Variants in KDM4C observed in about 807,000 individuals in gnomAD.
The protein encoded by KDM4C is lysine demethylase 4C.
In KDM4C, 81 loss-of-function variants were observed where a neutral mutation model predicts 129.3. The observed-to-expected ratio is 0.63, with a 90% confidence interval of 0.52 to 0.75. The LOEUF (loss-of-function observed/expected upper bound fraction) is 0.75. KDM4C is among the 30% of genes least tolerant of loss of function. The pLI is 0.00. For synonymous variants in KDM4C, 573 were observed against 456.1 expected, an observed-to-expected ratio of 1.26 and a Z score of -3.26; for missense variants, 1,457 against 1,304.0, an observed-to-expected ratio of 1.12 and a Z score of -1.81.
intron 19 of KDM4C, among the ~76,000 whole-genome samples, chr9:7,135,186 G>A (rs1245849712): frequency 3.9e-5 from 6 of 152,166 alleles, no homozygotes; most frequent in South Asian, 2.1e-4. Flanking sequence ...AAAGTATGTC[G>A]TTGCCCTGAT....
In KDM4C at chr9:6,820,714, CTTTTTTT is replaced by C. The variant is rs35264767; in HGVS notation, c.435+5983_435+5989del. 1.3e-3 allele frequency among the ~76,000 whole-genome samples: 170 copies of C among 127,152 alleles called. 1 individual carries two copies. The East Asian group carries it at 0.031, about 23-fold the overall frequency. The allele number at this position is 127,152 out of a possible 152,430, so 83.4% of individuals were successfully genotyped here. A position where few individuals can be genotyped will look rare whatever the true frequency, so the allele number is the denominator to read the frequency against. ...TGTGTCTTGATCTCTCTCTCTCTCT[CTTTTTTT>C]TTTTTTTTTTTTTGATAATACTTCA... On this transcript the variant is annotated intron_variant, in intron 4 of 21. Coordinates refer to ENST00000381309, the MANE Select transcript of KDM4C (RefSeq NM_015061.6).
chr9:6,794,419 A>G (rs1197534516), intron 2 of KDM4C, among the ~76,000 whole-genome samples: 1 of 152,146 alleles, frequency 6.6e-6, no homozygotes, highest in African/African-American at 2.4e-5. Flanking sequence ...TTGTCTGGCT[A>G]TGGTAAGGCA....
chr9:6,876,452 A>G (rs941213980), intron 5 of KDM4C, among the ~76,000 whole-genome samples: 1 of 152,142 alleles, frequency 6.6e-6, no homozygotes, highest in African/African-American at 2.4e-5. Context: ...GGCTTGTGCA[A>G]TGTCTCTTAG....
chr9:6,890,375 C>T (rs776284317), intron 7 of KDM4C, among the ~76,000 whole-genome samples: 1 of 152,340 alleles, frequency 6.6e-6, no homozygotes, highest in African/African-American at 2.4e-5. Context: ...GTAACGTACT[C>T]TTCCTCTTCA....
chr9:6,986,323 A>C, intron 10 of KDM4C, 21 bp from the exon 11 acceptor site: 1 of 1,536,622 alleles, frequency 6.5e-7, no homozygotes. Flanking sequence ...ATTTATTAAC[A>C]GTCTTCTGTT....
intron 17 of KDM4C, among the ~76,000 whole-genome samples, chr9:7,075,999 G>C (rs1028584205): frequency 6.6e-6 from 1 of 152,134 alleles, no homozygotes; most frequent in Non-Finnish European, 1.5e-5. Context: ...CAGCAACACA[G>C]CTTATGGGAT....
chr9:6,909,551 A>G (rs530787614), intron 8 of KDM4C, among the ~76,000 whole-genome samples: 4 of 152,336 alleles, frequency 2.6e-5, no homozygotes, highest in East Asian at 1.9e-4. Flanking sequence ...TGATGTTTCA[A>G]AGATTTCTTG....
chr9:7,049,066 T>G, intron 16 of KDM4C, 26 bp from the exon 17 acceptor site: 1 of 1,531,852 alleles, frequency 6.5e-7, no homozygotes, highest in Non-Finnish European at 9.0e-7. Flanking sequence ...AACTTTTGTT[T>G]ATGTTTAATG....
At chr9:6,774,384 G>T (rs894910446) in intron 1 of KDM4C, among the ~76,000 whole-genome samples, 5 of 152,096 alleles carry the variant, frequency 3.3e-5, no homozygotes, top group Non-Finnish European at 5.9e-5. Context: ...ACAGTTTTAC[G>T]CTGGGCGTGG....
At chr9:7,164,360 A>AAT (rs1272176987) in intron 19 of KDM4C, among the ~76,000 whole-genome samples, 4 of 151,800 alleles carry the variant, frequency 2.6e-5, no homozygotes, top group African/African-American at 4.8e-5. Flanking sequence ...TAAAAAAACA[A>AAT]AAAGCACCTT....
intron 5 of KDM4C, among the ~76,000 whole-genome samples, chr9:6,867,430 A>T (rs571110763): frequency 1.5e-4 from 23 of 152,344 alleles, no homozygotes; most frequent in Admixed American, 3.3e-4. Flanking sequence ...ATAAATGATC[A>T]TTTGGAAAGA....
rs1322256265 is a variant in KDM4C at position 7,165,274 on chromosome 9, G to A, written c.2818G>A (p.Gly940Arg). 2 of 1,614,044 alleles carry A rather than the reference G, an allele frequency of 1.2e-6. No homozygotes were observed. The highest frequency in any genetic ancestry group is 1.1e-5 in the South Asian group (1 of 91,084). ...TCTGAAGCTGGGCCCACCTGCTGAG[G>A]GAGAAGTCGTCCAAGTCAAGTGGCC... ...DCLKLGPPAE[G>R]EVVQVKWPDG... Residue 940 changes from glycine to arginine, a missense_variant, in exon 20 of 22, where the codon GGA becomes AGA. Coordinates refer to ENST00000381309, the MANE Select transcript of KDM4C (RefSeq NM_015061.6).
chr9:7,011,175 T>C (rs1347719373), intron 12 of KDM4C, among the ~76,000 whole-genome samples: 3 of 152,000 alleles, frequency 2.0e-5, no homozygotes, highest in African/African-American at 7.3e-5. Flanking sequence ...CTTGGTACTT[T>C]ATAGCTGCTC....
intron 3 of KDM4C, among the ~76,000 whole-genome samples, chr9:6,809,414 GTC>G (rs754089065): frequency 7.6e-4 from 115 of 152,294 alleles, no homozygotes; most frequent in South Asian, 3.7e-3. Context: ...CATTTCCAGT[GTC>G]TCTCTTAAAG....
intron 17 of KDM4C, among the ~76,000 whole-genome samples, chr9:7,059,322 C>T (rs1022052873): frequency 7.2e-5 from 11 of 152,122 alleles, no homozygotes; most frequent in East Asian, 1.9e-4. Context: ...AGGGTGGTCT[C>T]GGGCTTCTGG....
At chr9:6,821,226 G>T (rs1376644249) in intron 4 of KDM4C, among the ~76,000 whole-genome samples, 1 of 152,080 alleles carries the variant, frequency 6.6e-6, no homozygotes, top group Non-Finnish European at 1.5e-5. Flanking sequence ...AATCCTTTGG[G>T]TATATACCCA....
chr9:6,806,263 C>T (rs527591600), intron 3 of KDM4C, among the ~76,000 whole-genome samples: 5 of 152,142 alleles, frequency 3.3e-5, no homozygotes, highest in Admixed American at 6.6e-5. Context: ...GGGAGGCCAA[C>T]GTGGGCGGAT....
At chr9:6,743,413 A>C (rs1442104302) in intron 1 of KDM4C, among the ~76,000 whole-genome samples, 1 of 152,164 alleles carries the variant, frequency 6.6e-6, no homozygotes, top group African/African-American at 2.4e-5. Flanking sequence ...GATTATCAAG[A>C]GTGTGCATCT....
intron 15 of KDM4C, among the ~76,000 whole-genome samples, 161 bp from the exon 16 acceptor site, chr9:7,046,701 C>A (rs570769921): frequency 2.1e-4 from 32 of 152,080 alleles, no homozygotes; most frequent in Non-Finnish European, 7.4e-5. Flanking sequence ...TCCCCCTCCG[C>A]TGTCTTTCTT....
Sources: allele counts gnomAD v4.1 joint callset (sites outside exome capture counted in the v4.1 genomes callset), GRCh38; gene constraint gnomAD v4.1.1; transcripts MANE v1.5; gene names NCBI Gene and HGNC (gene_info 2026-07-23, HGNC 2026-07-21).